NRXN3: variants seen among roughly 807,000 people sequenced by gnomAD.
The protein encoded by NRXN3 is neurexin III.
Under a neutral mutation model 137.6 loss-of-function variants are expected in NRXN3, and 32 were observed. The observed-to-expected ratio is 0.23, with a 90% CI of 0.18 to 0.31. NRXN3 has a LOEUF of 0.31. NRXN3 is among the 10% of genes least tolerant of loss of function. The pLI, the probability that NRXN3 is intolerant of heterozygous loss-of-function variation, is 1.00. For synonymous variants in NRXN3, 798 were observed against 784.5 expected (o/e 1.02, Z -0.29); for missense variants, 1,574 against 2,062.5 (o/e 0.76, Z 4.59).
At chr14:78,694,037 C>A (rs750596837) in intron 6 of NRXN3, among the ~76,000 whole-genome samples, 1 of 151,970 alleles carries the variant, frequency 6.6e-6, no homozygotes, top group African/African-American at 2.4e-5. Flanking sequence ...TAATGCCACT[C>A]ATTTATCAGG....
chr14:78,283,891 G>T (rs996160655), intron 3 of NRXN3, among the ~76,000 whole-genome samples: 2 of 152,116 alleles, frequency 1.3e-5, no homozygotes, highest in African/African-American at 4.8e-5. Flanking sequence ...TTTACAATCT[G>T]GCTCCTTATT....
intron 16 of NRXN3, among the ~76,000 whole-genome samples, chr14:79,541,573 A>G (rs943747771): frequency 1.3e-5 from 2 of 152,210 alleles, no homozygotes; most frequent in African/African-American, 4.8e-5. Context: ...ACTACAAGGT[A>G]TAAAGATGAG....
intron 10 of NRXN3, among the ~76,000 whole-genome samples, chr14:78,812,742 G>T (rs1437340974): frequency 1.3e-5 from 2 of 152,164 alleles, no homozygotes; most frequent in Non-Finnish European, 2.9e-5. Flanking sequence ...TGATCACAAA[G>T]TATAGAAAGA....
At chr14:79,235,403 C>T (rs954741600) in intron 15 of NRXN3, among the ~76,000 whole-genome samples, 1 of 152,158 alleles carries the variant, frequency 6.6e-6, no homozygotes, top group East Asian at 1.9e-4. Context: ...CTTCCCTCCA[C>T]CAGAGAGTGA....
At chr14:79,806,137 AT>A (rs1239918562) in intron 20 of NRXN3, among the ~76,000 whole-genome samples, 2 of 152,140 alleles carry the variant, frequency 1.3e-5, no homozygotes, top group Non-Finnish European at 2.9e-5. Context: ...CCAGGATCTT[AT>A]TTCTGTGAAG....
At chr14:78,370,205 A>G (rs2086604188) in intron 4 of NRXN3, among the ~76,000 whole-genome samples, 1 of 151,950 alleles carries the variant, frequency 6.6e-6, no homozygotes, top group Non-Finnish European at 1.5e-5. Context: ...AATCATTCCA[A>G]CGTAGTGATC....
At chr14:78,909,266 C>T (rs1225545605) in intron 10 of NRXN3, among the ~76,000 whole-genome samples, 1 of 152,104 alleles carries the variant, frequency 6.6e-6, no homozygotes, top group Non-Finnish European at 1.5e-5. Context: ...ACAATCAAAG[C>T]AATGGCTACC....
intron 15 of NRXN3, among the ~76,000 whole-genome samples, chr14:79,114,573 T>C (rs1257976950): frequency 1.3e-5 from 2 of 152,232 alleles, no homozygotes; most frequent in African/African-American, 4.8e-5. Context: ...GTTTTGTGTA[T>C]ATTACTTAAA....
intron 15 of NRXN3, among the ~76,000 whole-genome samples, chr14:79,320,970 G>A (rs1226983942): frequency 6.6e-6 from 1 of 151,710 alleles, no homozygotes; most frequent in African/African-American, 2.4e-5. Context: ...ATAAATGTTT[G>A]TTGAATGAAT....
intron 4 of NRXN3, among the ~76,000 whole-genome samples, chr14:78,368,413 G>A (rs1359112691): frequency 6.6e-6 from 1 of 152,184 alleles, no homozygotes; most frequent in Non-Finnish European, 1.5e-5. Context: ...AAAATGGGAT[G>A]TAAAAAATTG....
intron 8 of NRXN3, among the ~76,000 whole-genome samples, chr14:78,774,604 TGAG>T (rs1401568245): frequency 2.6e-5 from 4 of 152,138 alleles, no homozygotes; most frequent in African/African-American, 9.7e-5. Context: ...ACTTTTTAGG[TGAG>T]GAACCTAAGA....
At chr14:79,512,873 T>C (rs1438892285) in intron 16 of NRXN3, among the ~76,000 whole-genome samples, 3 of 152,198 alleles carry the variant, frequency 2.0e-5, no homozygotes, top group South Asian at 2.1e-4. Context: ...ATAACACCTA[T>C]ATACTTTTCC....
intron 4 of NRXN3, among the ~76,000 whole-genome samples, chr14:78,333,511 A>G (rs1317570986): frequency 6.6e-6 from 1 of 152,160 alleles, no homozygotes; most frequent in Non-Finnish European, 1.5e-5. Flanking sequence ...CTAGCTAGAT[A>G]CATAGATAGA....
At chr14:79,175,580 T>C (rs1269296315) in intron 15 of NRXN3, among the ~76,000 whole-genome samples, 14 of 152,250 alleles carry the variant, frequency 9.2e-5, no homozygotes, top group Admixed American at 9.2e-4. Flanking sequence ...ATGTGCTTTT[T>C]CTCACTTCAA....
chr14:79,668,843 T>A (rs571460586), intron 17 of NRXN3, among the ~76,000 whole-genome samples: 2 of 152,094 alleles, frequency 1.3e-5, no homozygotes, highest in African/African-American at 4.8e-5. Flanking sequence ...TAAGAGCCGC[T>A]GACTTAGAGA....
intron 14 of NRXN3, among the ~76,000 whole-genome samples, chr14:78,969,155 A>C (rs899802004): frequency 4.6e-5 from 7 of 152,222 alleles, no homozygotes; most frequent in Non-Finnish European, 1.0e-4. Flanking sequence ...TTTTATGTCA[A>C]ACATCTAATA....
At chr14:78,818,541 C>T (rs1041289466) in intron 10 of NRXN3, among the ~76,000 whole-genome samples, 15 of 152,088 alleles carry the variant, frequency 9.9e-5, no homozygotes, top group African/African-American at 3.1e-4. Context: ...ATTACTTTCT[C>T]TGTAAAATAA....
At chr14:78,591,895 A>G (rs1045476989) in intron 4 of NRXN3, among the ~76,000 whole-genome samples, 2 of 152,208 alleles carry the variant, frequency 1.3e-5, no homozygotes, top group Non-Finnish European at 2.9e-5. Flanking sequence ...GTTTAGATTC[A>G]TACTTTTAAC....
intron 16 of NRXN3, among the ~76,000 whole-genome samples, chr14:79,604,779 C>T (rs2097980542): frequency 6.6e-6 from 1 of 152,112 alleles, no homozygotes; most frequent in Non-Finnish European, 1.5e-5. Flanking sequence ...TGCCTATAAT[C>T]CCAGCACTTT....
Sources: gnomAD v4.1 joint callset for allele counts (sites outside exome capture counted in the v4.1 genomes callset) on GRCh38, gnomAD v4.1.1 for gene constraint, MANE v1.5 for transcripts, NCBI Gene and HGNC (gene_info 2026-07-23, HGNC 2026-07-21) for gene names.